ZCCHC2: variants seen among roughly 807,000 people sequenced by gnomAD.
ZCCHC2 encodes the protein zinc finger CCHC-type containing 2, also known as zinc finger CCHC domain-containing protein 2.
In ZCCHC2, 39 loss-of-function variants were observed where a neutral mutation model predicts 103.6. The ratio of observed to expected loss-of-function variants is 0.38; its 90% CI spans 0.29 to 0.49. The LOEUF (loss-of-function observed/expected upper bound fraction) is 0.49, where lower values mean the gene tolerates loss of function less well. Ranked by LOEUF, ZCCHC2 falls within the 20% of genes least tolerant of loss-of-function variation. The probability of loss-of-function intolerance (pLI) is 0.96; values close to 1 mark genes in which losing one functional copy is unlikely to be tolerated. For synonymous variants in ZCCHC2, 687 were observed against 608.9 expected, an observed-to-expected ratio of 1.13 and a Z score of -1.89; for missense variants, 1,483 against 1,491.0, an observed-to-expected ratio of 0.99 and a Z score of 0.09.
At chr18:62,524,620 C>A in intron 1 of ZCCHC2, 1 of 481,064 alleles carries the variant, frequency 2.1e-6, no homozygotes, top group South Asian at 4.8e-5. Flanking sequence ...CCTTCCGTGC[C>A]ACGGTGTTGC....
chr18:62,528,837 A>G (rs1914555459), intron 1 of ZCCHC2, among the ~76,000 whole-genome samples: 1 of 151,984 alleles, frequency 6.6e-6, no homozygotes, highest in East Asian at 1.9e-4. Flanking sequence ...TGATTGTCAG[A>G]ATTTCAGTTA....
At chr18:62,553,101 C>T (rs1915732984) in intron 5 of ZCCHC2, among the ~76,000 whole-genome samples, 1 of 150,546 alleles carries the variant, frequency 6.6e-6, no homozygotes, top group South Asian at 2.1e-4. Flanking sequence ...AATCTGACAG[C>T]TAAAGTAGCC....
chr18:62,528,514 G>A (rs1914536029), intron 1 of ZCCHC2, among the ~76,000 whole-genome samples: 1 of 151,372 alleles, frequency 6.6e-6, no homozygotes, highest in Non-Finnish European at 1.5e-5. Context: ...CAGGAGAATC[G>A]CTTGAACCTG....
intron 1 of ZCCHC2, among the ~76,000 whole-genome samples, chr18:62,537,460 C>A (rs1284524822): frequency 1.3e-5 from 2 of 152,184 alleles, no homozygotes; most frequent in African/African-American, 4.8e-5. Context: ...CGTGAGCTAC[C>A]ACACCTAGCC....
chr18:62,582,399 C>T (rs537532956), downstream of ZCCHC2, among the ~76,000 whole-genome samples: 13 of 152,344 alleles, frequency 8.5e-5, no homozygotes, highest in South Asian at 1.7e-3. Context: ...GTTCAGTGGC[C>T]GGGCACAGTG....
chr18:62,541,558 C>G (rs1387857692), intron 2 of ZCCHC2, among the ~76,000 whole-genome samples: 1 of 47,828 alleles, frequency 2.1e-5, no homozygotes. Context: ...AACAGTGTAC[C>G]CCCCACACCC....
intron 1 of ZCCHC2, among the ~76,000 whole-genome samples, chr18:62,536,340 G>A (rs906162355): frequency 6.6e-6 from 1 of 152,140 alleles, no homozygotes; most frequent in African/African-American, 2.4e-5. Flanking sequence ...ATTTTTGCAG[G>A]TTTAGAATCT....
intron 5 of ZCCHC2, among the ~76,000 whole-genome samples, chr18:62,552,745 C>A (rs1190690917): frequency 1.3e-5 from 2 of 151,962 alleles, no homozygotes; most frequent in African/African-American, 2.4e-5. Flanking sequence ...TTTTAATTAG[C>A]TGGGTGTGGT....
In ZCCHC2 at chr18:62,578,087, T is replaced by C. The variant is rs1320060202; in HGVS notation, c.*1508T>C. 1 of 152,620 alleles carries C rather than the reference T, an allele frequency of 6.6e-6. No individual in the cohort carries two copies. Among genetic ancestry groups the C allele is most frequent in the African/African-American group, 2.4e-5 (1 of 41,448 alleles). The allele number at this position is 152,620 out of a possible 1,614,324, so 9.5% of individuals were successfully genotyped here. A position where few individuals can be genotyped will look rare whatever the true frequency, so the allele number is the denominator to read the frequency against. Reference sequence around the variant, plus strand: ...GAAAAAACTTGAAGAAAAAAGAAGCTTAATTTCATGCTTCATAAGTAGCAT... The same window carrying C: ...GAAAAAACTTGAAGAAAAAAGAAGCCTAATTTCATGCTTCATAAGTAGCAT... On this transcript the variant is annotated 3_prime_UTR_variant, in exon 14 of 14. Transcript: ENST00000269499.
rs1379748579 is a variant in ZCCHC2, at chr18:62,523,748, G to A, written c.324G>A (p.Ser108=). 1.3e-6 allele frequency: 2 copies of A among 1,530,014 alleles called. No individual in the cohort carries two copies. The highest frequency in any genetic ancestry group is 1.7e-6 in the Non-Finnish European group (2 of 1,144,692). The allele number at this position is 1,530,014 out of a possible 1,614,324, so 94.8% of individuals were successfully genotyped here. A position where few individuals can be genotyped will look rare whatever the true frequency, so the allele number is the denominator to read the frequency against. The change falls in exon 1 of 14, where the codon TCG becomes TCA. Residue 108 remains serine, a synonymous_variant. Transcript: ENST00000269499. ...AGTGGTTCGGGCTGGTGCTGGGCTC[G>A]GCGCAGCGCCTGGAGTTCATGTGCG... ...VYEWFGLVLG[S]AQRLEFMCGL...
intron 5 of ZCCHC2, among the ~76,000 whole-genome samples, chr18:62,554,899 T>C (rs777180801): frequency 2.8e-4 from 43 of 152,368 alleles, no homozygotes; most frequent in Middle Eastern, 3.4e-3. Flanking sequence ...TTGCATGATA[T>C]ACAAGGCAAC....
rs1489105937 is a variant in ZCCHC2, at chr18:62,577,920, CAG to C, written c.*1342_*1343del. 6.6e-6 allele frequency: 1 copy of C among 152,588 alleles called. No homozygotes were observed. The highest frequency in any genetic ancestry group is 1.5e-5 in the Non-Finnish European group (1 of 68,268). The allele number at this position is 152,588 out of a possible 1,614,324, so 9.5% of individuals were successfully genotyped here. On this transcript the variant is annotated 3_prime_UTR_variant, in exon 14 of 14. Coordinates refer to ENST00000269499, the MANE Select transcript of ZCCHC2 (RefSeq NM_017742.6). ...GTTTCCACTGTATAGTCCTAGGGGT[CAG>C]GGGGTGGGGGTTTCATTTTCCATTC...
At position 62,578,575 on chromosome 18, in the gene ZCCHC2, A is replaced by G. The variant is rs1365772048; in HGVS notation, c.*1996A>G. On this transcript the variant is annotated 3_prime_UTR_variant, in exon 14 of 14. Coordinates refer to ENST00000269499, the MANE Select transcript of ZCCHC2 (RefSeq NM_017742.6). Reference sequence around the variant, plus strand: ...GAATTAACAGCAATAAAAAAATGAAAAACAGCTTAAGAATTGTGCCTCATT... The same window carrying G: ...GAATTAACAGCAATAAAAAAATGAAGAACAGCTTAAGAATTGTGCCTCATT... 5.9e-5 allele frequency: 9 copies of G among 152,780 alleles called. No individual in the cohort carries two copies. The South Asian group carries it at 1.7e-3, about 28-fold the overall frequency. 9.5% of individuals were successfully genotyped at this position (152,780 alleles called of 1,614,324 possible). A position where few individuals can be genotyped will look rare whatever the true frequency, so the allele number is the denominator to read the frequency against.
chr18:62,569,300 A>C (rs180719377), intron 11 of ZCCHC2, among the ~76,000 whole-genome samples: 13 of 152,184 alleles, frequency 8.5e-5, no homozygotes, highest in Non-Finnish European at 1.8e-4. Context: ...CCGTGCAATT[A>C]ATACCCATTA....
At chr18:62,562,381 T>C (rs185252758) in intron 8 of ZCCHC2, among the ~76,000 whole-genome samples, 19 of 152,256 alleles carry the variant, frequency 1.2e-4, no homozygotes, top group Admixed American at 4.6e-4. Flanking sequence ...TCCGACCAAT[T>C]TTTTCTTCAT....
intron 6 of ZCCHC2, among the ~76,000 whole-genome samples, chr18:62,556,722 C>T (rs530918454): frequency 2.6e-5 from 4 of 152,268 alleles, no homozygotes; most frequent in South Asian, 2.1e-4. Flanking sequence ...GTTTTCATCA[C>T]GGAAAGGACA....
chr18:62,523,315 G>A lies in ZCCHC2; in HGVS notation c.-110G>A. 1 of 974,228 alleles carries A rather than the reference G, an allele frequency of 1.0e-6. No individual in the cohort carries two copies. The highest frequency in any genetic ancestry group is 1.2e-6 in the Non-Finnish European group (1 of 821,152). The allele number at this position is 974,228 out of a possible 1,614,324, so 60.3% of individuals were successfully genotyped here. ...CCCCGGCCCCGGCCCTCCCCCGGCGGCATGGAGGGGCCCCGCTCCTGACGG... is the reference window on the plus strand; with the variant it reads ...CCCCGGCCCCGGCCCTCCCCCGGCGACATGGAGGGGCCCCGCTCCTGACGG... On this transcript the variant is annotated 5_prime_UTR_variant, in exon 1 of 14. Coordinates refer to ENST00000269499, the MANE Select transcript of ZCCHC2 (RefSeq NM_017742.6).
At chr18:62,532,848 C>T (rs371500533) in intron 1 of ZCCHC2, among the ~76,000 whole-genome samples, 1 of 151,936 alleles carries the variant, frequency 6.6e-6, no homozygotes, top group South Asian at 2.1e-4. Context: ...CCAGCCTGGG[C>T]AACATGGCAA....
In ZCCHC2 at chr18:62,527,453, G is replaced by T. The variant is rs77501502; in HGVS notation, c.939+3090G>T. ...GAATATATACTTTTTAGGCTACATT[G>T]GAAATACAGGAAAGCTCAACAAGGA... On this transcript the variant is annotated intron_variant, in intron 1 of 13. Coordinates refer to ENST00000269499, the MANE Select transcript of ZCCHC2 (RefSeq NM_017742.6). Among the ~76,000 whole-genome samples, 544 of 152,244 alleles carry T rather than the reference G, an allele frequency of 3.6e-3. 1 individual carries two copies. The highest frequency in any genetic ancestry group is 0.013 in the African/African-American group (520 of 41,534).
Sources: gnomAD v4.1 joint callset for allele counts (sites outside exome capture counted in the v4.1 genomes callset) on GRCh38, gnomAD v4.1.1 for gene constraint, MANE v1.5 for transcripts, NCBI Gene and HGNC (gene_info 2026-07-23, HGNC 2026-07-21) for gene names.